Variants in SCN11A observed in about 807,000 individuals in gnomAD.
The protein encoded by SCN11A is sodium channel protein type 11 subunit alpha.
Under a neutral mutation model 162.2 loss-of-function variants are expected in SCN11A, and 122 were observed. That is an observed-to-expected ratio of 0.75 (90% CI 0.65 to 0.87). SCN11A has a LOEUF of 0.87. SCN11A is among the 40% of genes least tolerant of loss of function. The pLI is 0.00. For synonymous variants in SCN11A, 758 were observed against 751.5 expected (o/e 1.01, Z -0.14); for missense variants, 2,015 against 2,181.6 (o/e 0.92, Z 1.52).
intron 2 of SCN11A, among the ~76,000 whole-genome samples, chr3:39,021,639 C>T (rs1455343711): frequency 6.6e-6 from 1 of 152,124 alleles, no homozygotes; most frequent in African/African-American, 2.4e-5. Context: ...GGCATTTGTT[C>T]TGAGTCCCAC....
At chr3:38,905,400 T>A in intron 14 of SCN11A, 79 bp from the exon 15 acceptor site, 1 of 1,508,818 alleles carries the variant, frequency 6.6e-7, no homozygotes, top group South Asian at 1.3e-5. Context: ...TTTGTTCCAA[T>A]GCTACATGTA....
At chr3:38,982,342 C>T (rs2030086976) in intron 2 of SCN11A, among the ~76,000 whole-genome samples, 1 of 152,182 alleles carries the variant, frequency 6.6e-6, no homozygotes, top group African/African-American at 2.4e-5. Flanking sequence ...GCATTTGTTT[C>T]CACAGAGCAA....
In SCN11A at chr3:38,963,397, T is replaced by G. The variant is rs1227340006; in HGVS notation, c.-279-2974A>C. Among the ~76,000 whole-genome samples, 6 of 57,204 alleles carry G rather than the reference T, an allele frequency of 1.0e-4. 1 individual carries two copies. The highest frequency in any genetic ancestry group is 1.1e-3 in the South Asian group (2 of 1,860). 37.5% of individuals were successfully genotyped at this position (57,204 alleles called of 152,430 possible). On this transcript the variant is annotated intron_variant, in intron 2 of 29. Transcript: ENST00000302328. The stretch of plus-strand genomic sequence containing the variant: ...TATATATATATATATGATGGAGATA[T>G]ATATATATATATATATATATGATGG...
chr3:39,029,809 A>T (rs1333607710), intron 2 of SCN11A, among the ~76,000 whole-genome samples: 1 of 152,242 alleles, frequency 6.6e-6, no homozygotes, highest in African/African-American at 2.4e-5. Flanking sequence ...CCAATTAGCA[A>T]AGAAAGATTC....
intron 26 of SCN11A, among the ~76,000 whole-genome samples, chr3:38,868,967 A>G (rs2065083308): frequency 6.6e-6 from 1 of 152,182 alleles, no homozygotes; most frequent in Admixed American, 6.5e-5. Context: ...GTAGACTGCC[A>G]GGGACCATGG....
At chr3:38,865,847 T>C (rs2065030785) in intron 27 of SCN11A, among the ~76,000 whole-genome samples, 3 of 151,932 alleles carry the variant, frequency 2.0e-5, no homozygotes, top group Non-Finnish European at 4.4e-5. Context: ...ATCAAATAAA[T>C]AAATATAAAA....
chr3:39,031,182 A>G (rs1033002083), intron 2 of SCN11A, among the ~76,000 whole-genome samples: 1 of 152,242 alleles, frequency 6.6e-6, no homozygotes, highest in African/African-American at 2.4e-5. Context: ...ATTCAGCACC[A>G]TGACTTCTTA....
At chr3:38,857,534 G>C (rs1007705631) in intron 28 of SCN11A, among the ~76,000 whole-genome samples, 2 of 151,950 alleles carry the variant, frequency 1.3e-5, no homozygotes, top group Non-Finnish European at 2.9e-5. Flanking sequence ...AGAATAATTG[G>C]TCTTCCTGAT....
chr3:38,846,802 T>G lies in SCN11A; in HGVS notation c.5268A>C (p.Gln1756His). Residue 1756 changes from glutamine to histidine, a missense_variant, in exon 30 of 30, where the codon CAA (glutamine) becomes CAC (histidine). Transcript: ENST00000302328. ...KYMMKVTKGD[Q>H]GDQNDLENGP... ...CGTTTTCCAAGTCATTTTGGTCACC[T>G]TGGTCACCCTTGGTCACCTTCATCA... is the stretch of plus-strand genomic sequence containing the variant. 6.2e-7 allele frequency: 1 copy of G among 1,614,056 alleles called. No individual in the cohort carries two copies. The highest frequency in any genetic ancestry group is 2.2e-5 in the East Asian group (1 of 44,862).
intron 3 of SCN11A, among the ~76,000 whole-genome samples, chr3:38,958,912 G>A (rs569775094): frequency 5.3e-5 from 8 of 152,164 alleles, no homozygotes; most frequent in Non-Finnish European, 1.0e-4. Flanking sequence ...TAGAATGAAG[G>A]TGGATTATTT....
At chr3:38,880,237 T>C (rs1241163244) in intron 22 of SCN11A, 114 bp from the exon 23 acceptor site, 4 of 689,966 alleles carry the variant, frequency 5.8e-6, no homozygotes, top group Non-Finnish European at 9.5e-6. Flanking sequence ...TCTCTCTTCG[T>C]AATGAGGTTC....
intron 27 of SCN11A, among the ~76,000 whole-genome samples, chr3:38,865,991 T>C (rs975055415): frequency 5.3e-5 from 8 of 152,244 alleles, no homozygotes; most frequent in Admixed American, 5.2e-4. Flanking sequence ...TTCTGGAAGG[T>C]ATTTTGACAA....
chr3:38,969,560 G>A (rs1297266619), intron 2 of SCN11A, among the ~76,000 whole-genome samples: 1 of 152,204 alleles, frequency 6.6e-6, no homozygotes, highest in Non-Finnish European at 1.5e-5. Flanking sequence ...CCTTGACCCT[G>A]TGGTCTAGGG....
chr3:39,010,921 A>T (rs1377964872), intron 2 of SCN11A, among the ~76,000 whole-genome samples: 3 of 152,218 alleles, frequency 2.0e-5, no homozygotes, highest in Non-Finnish European at 4.4e-5. Flanking sequence ...ACTGCTGTTC[A>T]TTGAAGAACC....
chr3:38,944,000 T>G (rs1028065491), intron 7 of SCN11A, among the ~76,000 whole-genome samples: 1 of 152,200 alleles, frequency 6.6e-6, no homozygotes, highest in Non-Finnish European at 1.5e-5. Flanking sequence ...ATAATAAATG[T>G]CCAATTGGGA....
At chr3:38,910,442 G>A (rs542731375) in intron 11 of SCN11A, among the ~76,000 whole-genome samples, 34 of 152,202 alleles carry the variant, frequency 2.2e-4, no homozygotes, top group Non-Finnish European at 3.5e-4. Flanking sequence ...AGTGACACGT[G>A]AACAATGAAT....
chr3:38,859,939 C>G (rs2064935940), intron 28 of SCN11A, among the ~76,000 whole-genome samples: 1 of 152,122 alleles, frequency 6.6e-6, no homozygotes, highest in African/African-American at 2.4e-5. Flanking sequence ...TCAAATTGCT[C>G]CTGGGGATAA....
At chr3:38,992,001 G>C (rs912871502) in intron 2 of SCN11A, among the ~76,000 whole-genome samples, 1 of 152,032 alleles carries the variant, frequency 6.6e-6, no homozygotes, top group African/African-American at 2.4e-5. Context: ...TAGAGACGGG[G>C]TTTTACCATG....
Position 38,877,127 on chromosome 3 carries a change from G to A in SCN11A, c.3393+2823C>T, listed in dbSNP as rs28794214. 1.8e-3 allele frequency among the ~76,000 whole-genome samples: 59 copies of A among 32,880 alleles called. 1 individual carries two copies. Among genetic ancestry groups the A allele is most frequent in the African/African-American group, 3.2e-3 (27 of 8,558 alleles). 21.6% of individuals were successfully genotyped at this position (32,880 alleles called of 152,430 possible). On this transcript the variant is annotated intron_variant, in intron 23 of 29. Transcript: ENST00000302328. ...ATGGTGTATATACTATATATATGGT[G>A]TATATACTATATATATGGTATATAT...
Sources: allele counts gnomAD v4.1 joint callset (sites outside exome capture counted in the v4.1 genomes callset), GRCh38; gene constraint gnomAD v4.1.1; transcripts MANE v1.5; gene names NCBI Gene and HGNC (gene_info 2026-07-23, HGNC 2026-07-21).